CACNA1C: variants seen among roughly 807,000 people sequenced by gnomAD.
CACNA1C encodes the protein voltage-dependent L-type calcium channel subunit alpha-1C.
CACNA1C carries 30 observed loss-of-function variants against 229.0 expected under a neutral mutation model. The ratio of observed to expected loss-of-function variants is 0.13; its 90% confidence interval spans 0.10 to 0.18. The LOEUF (loss-of-function observed/expected upper bound fraction) is 0.18. CACNA1C is among the 10% of genes least tolerant of loss of function. The pLI is 1.00. For synonymous variants in CACNA1C, 1,114 were observed against 1,132.5 expected (o/e 0.98, Z 0.33); for missense variants, 1,658 against 2,845.0 (o/e 0.58, Z 9.49).
chr12:2,063,761 A>C (rs2058372151), intron 1 of CACNA1C, among the ~76,000 whole-genome samples: 2 of 152,220 alleles, frequency 1.3e-5, no homozygotes, highest in African/African-American at 4.8e-5. Flanking sequence ...CATTGAAAGC[A>C]CACGCCACAT....
chr12:2,432,467 G>A (rs1055900060), intron 3 of CACNA1C, among the ~76,000 whole-genome samples: 1 of 152,156 alleles, frequency 6.6e-6, no homozygotes, highest in Non-Finnish European at 1.5e-5. Context: ...TGGGGAAAGG[G>A]ACTTGATTTT....
chr12:2,577,252 C>T lies in CACNA1C; in HGVS notation c.1896-4338C>T, dbSNP rs528133439. Among the ~76,000 whole-genome samples the T allele has an allele frequency of 2.5e-4, 38 of 152,348 alleles. 1 individual carries two copies. The highest frequency in any genetic ancestry group is 3.4e-3 in the Middle Eastern group (1 of 294). ...TACTGGTCCCCAGGACAGTGTCTTT[C>T]CCCTCAGGTGTTTTTCATGTAGACA... is the stretch of plus-strand genomic sequence containing the variant. On this transcript the variant is annotated intron_variant, in intron 13 of 46. Coordinates refer to ENST00000399655, the MANE Select transcript of CACNA1C (RefSeq NM_000719.7).
intron 3 of CACNA1C, among the ~76,000 whole-genome samples, chr12:2,239,231 G>A (rs1335743896): frequency 6.6e-6 from 1 of 152,212 alleles, no homozygotes; most frequent in East Asian, 1.9e-4. Context: ...GGGAGAAGTT[G>A]CCTCCAGAGC....
At chr12:2,249,885 C>T (rs2074942307) in intron 3 of CACNA1C, among the ~76,000 whole-genome samples, 1 of 151,860 alleles carries the variant, frequency 6.6e-6, no homozygotes, top group Non-Finnish European at 1.5e-5. Flanking sequence ...ATTCTCCTGC[C>T]TCAAGCTCCG....
intron 3 of CACNA1C, among the ~76,000 whole-genome samples, chr12:2,296,041 T>A (rs760794311): frequency 5.9e-5 from 9 of 152,108 alleles, no homozygotes; most frequent in Admixed American, 1.3e-4. Context: ...GCCAGAATGG[T>A]CAGAAAAATG....
chr12:2,089,479 G>A (rs754484091), intron 1 of CACNA1C, among the ~76,000 whole-genome samples: 8 of 152,178 alleles, frequency 5.3e-5, no homozygotes, highest in East Asian at 1.9e-4. Flanking sequence ...AGATCTCTTG[G>A]GGGAGACAAA....
chr12:2,526,332 G>A (rs2099818507), intron 9 of CACNA1C, among the ~76,000 whole-genome samples: 1 of 152,160 alleles, frequency 6.6e-6, no homozygotes, highest in Admixed American at 6.5e-5. Context: ...GCTATTCCAG[G>A]GCCTTGTCAC....
intron 3 of CACNA1C, among the ~76,000 whole-genome samples, chr12:2,366,610 C>T (rs1291672054): frequency 3.9e-5 from 6 of 152,056 alleles, no homozygotes; most frequent in African/African-American, 7.2e-5. Flanking sequence ...GTTAAAAATC[C>T]GGGTTTCAAC....
At chr12:2,624,440 C>T (rs1038731980) in intron 29 of CACNA1C, among the ~76,000 whole-genome samples, 8 of 152,122 alleles carry the variant, frequency 5.3e-5, no homozygotes, top group Non-Finnish European at 8.8e-5. Context: ...GGCCAGGGGC[C>T]GAGGCTCAGC....
At chr12:2,168,749 T>C (rs780495297) in intron 3 of CACNA1C, among the ~76,000 whole-genome samples, 1 of 152,160 alleles carries the variant, frequency 6.6e-6, no homozygotes, top group Non-Finnish European at 1.5e-5. Context: ...AAGAACCCAA[T>C]GCTAGGGATT....
intron 3 of CACNA1C, among the ~76,000 whole-genome samples, chr12:2,159,852 C>T (rs1221114361): frequency 6.6e-6 from 1 of 152,206 alleles, no homozygotes; most frequent in African/African-American, 2.4e-5. Flanking sequence ...GATCTGCCCG[C>T]CTCGGCCTCC....
chr12:2,645,137 G>T (rs1321581496), intron 30 of CACNA1C, among the ~76,000 whole-genome samples: 1 of 152,136 alleles, frequency 6.6e-6, no homozygotes, highest in South Asian at 2.1e-4. Context: ...ATTTCTCCAC[G>T]CCTACCATTA....
In CACNA1C at chr12:2,555,863, A is replaced by G. The variant is rs548775245; in HGVS notation, c.1482-1088A>G. On this transcript the variant is annotated intron_variant, in intron 10 of 46. Transcript: ENST00000399655. ...CGTTTTCTTGCTCTGCGACACAGCT[A>G]GCTGTGTGCCGCGCTGGGACGTCGC... Among the ~76,000 whole-genome samples the G allele has an allele frequency of 1.1e-3, 169 of 152,206 alleles. 1 individual carries two copies. The highest frequency in any genetic ancestry group is 4.0e-3 in the African/African-American group (167 of 41,538).
chr12:2,544,947 G>A (rs1028998634), intron 9 of CACNA1C, among the ~76,000 whole-genome samples: 1 of 152,180 alleles, frequency 6.6e-6, no homozygotes, highest in African/African-American at 2.4e-5. Context: ...GATTTGCTGA[G>A]CATACTTCTT....
chr12:2,513,836 A>T (rs2154579807), intron 9 of CACNA1C, among the ~76,000 whole-genome samples: 1 of 152,252 alleles, frequency 6.6e-6, no homozygotes, highest in South Asian at 2.1e-4. Flanking sequence ...GGGCCCAGGA[A>T]TCTCTGTTTT....
rs748374839 is a variant in CACNA1C, at chr12:2,597,705, C to A, written c.2853+416C>A. On this transcript the variant is annotated intron_variant, in intron 21 of 46. Coordinates refer to ENST00000399655, the MANE Select transcript of CACNA1C (RefSeq NM_000719.7). This position sits in a 1 kb window ranked among gnomAD's most constrained non-coding sequence, Gnocchi z 4.3. ...GCAGCCTACCCCACCACAGCTCCTC[C>A]CTCCAGCCACCCCTAAGCAGTCCGT... 6.6e-6 allele frequency among the ~76,000 whole-genome samples: 1 copy of A among 152,214 alleles called. No homozygotes were observed. Among genetic ancestry groups the A allele is most frequent in the Non-Finnish European group, 1.5e-5 (1 of 68,038 alleles).
intron 1 of CACNA1C, among the ~76,000 whole-genome samples, chr12:2,024,108 A>T (rs2046922424): frequency 6.6e-6 from 1 of 152,242 alleles, no homozygotes; most frequent in Non-Finnish European, 1.5e-5. Context: ...TCTTGGCTCA[A>T]AGTGAACAGG....
At chr12:1,993,949 T>C (rs2040176115) in intron 1 of CACNA1C, among the ~76,000 whole-genome samples, 2 of 152,324 alleles carry the variant, frequency 1.3e-5, no homozygotes, top group South Asian at 4.1e-4. Flanking sequence ...ACTAGAAGTT[T>C]ACATAACAGT....
chr12:2,045,615 C>T (rs2050909492), intron 1 of CACNA1C, among the ~76,000 whole-genome samples: 1 of 152,114 alleles, frequency 6.6e-6, no homozygotes, highest in East Asian at 1.9e-4. Context: ...TAACATATGG[C>T]AATAACTTCT....
Sources: gnomAD v4.1 joint callset for allele counts (sites outside exome capture counted in the v4.1 genomes callset) on GRCh38, gnomAD v4.1.1 for gene constraint, Gnocchi (gnomAD v3.1) non-coding constraint, MANE v1.5 for transcripts, NCBI Gene and HGNC (gene_info 2026-07-23, HGNC 2026-07-21) for gene names.